Variants in SGPP1 observed in about 807,000 individuals in gnomAD.
The protein encoded by SGPP1 is sphingosine-1-phosphate phosphatase 1.
In SGPP1, 21 loss-of-function variants were observed where a neutral mutation model predicts 33.0. That is an observed-to-expected ratio of 0.64 (90% CI 0.45 to 0.92). The LOEUF is 0.92. Ranked by LOEUF, SGPP1 falls within the 40% of genes least tolerant of loss-of-function variation. The pLI, the probability that SGPP1 is intolerant of heterozygous loss-of-function variation, is 0.00. For synonymous variants in SGPP1, 239 were observed against 241.2 expected (o/e 0.99, Z 0.08); for missense variants, 543 against 589.4 (o/e 0.92, Z 0.81).
At chr14:63,714,286 T>C (rs549689583) in intron 1 of SGPP1, among the ~76,000 whole-genome samples, 1 of 152,370 alleles carries the variant, frequency 6.6e-6, no homozygotes, top group East Asian at 1.9e-4. Flanking sequence ...CATGTGGTTT[T>C]TGATGGATCT....
At chr14:63,715,710 G>C (rs1037035993) in intron 1 of SGPP1, among the ~76,000 whole-genome samples, 1 of 152,176 alleles carries the variant, frequency 6.6e-6, no homozygotes, top group Admixed American at 6.5e-5. Context: ...CAGAGTATTG[G>C]AGAGACAAAT....
chr14:63,690,423 TAA>T (rs1039427226), intron 2 of SGPP1, among the ~76,000 whole-genome samples: 2 of 152,196 alleles, frequency 1.3e-5, no homozygotes, highest in African/African-American at 4.8e-5. Flanking sequence ...GCCATTGTTC[TAA>T]AAGAGATATA....
At chr14:63,701,948 TA>T (rs1251022184) in intron 1 of SGPP1, among the ~76,000 whole-genome samples, 141 of 107,358 alleles carry the variant, frequency 1.3e-3, no homozygotes, top group East Asian at 4.6e-3. Flanking sequence ...CCAAAAGAAG[TA>T]AAAAAAAAAA....
chr14:63,698,680 A>C (rs761213826), intron 1 of SGPP1, 22 bp from the exon 2 acceptor site: 1 of 1,352,172 alleles, frequency 7.4e-7, no homozygotes, highest in Non-Finnish European at 1.0e-6. Context: ...AAAAAGTAAA[A>C]TTAGTTAAAC....
At chr14:63,686,843 A>G (rs1048879826) in intron 2 of SGPP1, among the ~76,000 whole-genome samples, 187 bp from the exon 3 acceptor site, 4 of 152,178 alleles carry the variant, frequency 2.6e-5, no homozygotes, top group African/African-American at 9.6e-5. Context: ...TAATAAAAGG[A>G]TTTATATTTT....
chr14:63,695,258 G>A (rs1024113759), intron 2 of SGPP1, among the ~76,000 whole-genome samples: 20 of 151,872 alleles, frequency 1.3e-4, no homozygotes, highest in African/African-American at 4.8e-4. Flanking sequence ...GGGTTTCACC[G>A]TGTTAGCCAG....
At chr14:63,707,040 C>CA (rs747329924) in intron 1 of SGPP1, among the ~76,000 whole-genome samples, 6,729 of 65,502 alleles carry the variant, frequency 0.1, 220 homozygotes, top group Non-Finnish European at 0.15. Flanking sequence ...GACTCTGTCC[C>CA]AAAAAAAAAA....
intron 1 of SGPP1, among the ~76,000 whole-genome samples, chr14:63,718,988 ATATATATATATATATATATATATATATT>A (rs1478227135): frequency 3.2e-4 from 5 of 15,406 alleles, no homozygotes; most frequent in Non-Finnish European, 6.1e-4. Flanking sequence ...ATATATATAT[ATATATATATATATATATATATATATATT>A]TTTTTTTTTT....
chr14:63,715,745 T>C (rs143600520), intron 1 of SGPP1, among the ~76,000 whole-genome samples: 5 of 152,188 alleles, frequency 3.3e-5, no homozygotes, highest in Non-Finnish European at 7.4e-5. Context: ...CCTGGAGATA[T>C]GTAGAGGGAA....
chr14:63,703,284 T>C (rs947173395), intron 1 of SGPP1, among the ~76,000 whole-genome samples: 1 of 151,464 alleles, frequency 6.6e-6, no homozygotes, highest in Non-Finnish European at 1.5e-5. Context: ...AAAATACCCA[T>C]ACCTAGGAAT....
chr14:63,684,834 A>G lies in SGPP1; in HGVS notation c.*1271T>C, dbSNP rs1884937637. 6.6e-6 allele frequency: 1 copy of G among 152,622 alleles called. No individual in the cohort carries two copies. The highest frequency in any genetic ancestry group is 2.1e-4 in the South Asian group (1 of 4,834). The allele number at this position is 152,622 out of a possible 1,614,324, so 9.5% of individuals were successfully genotyped here. On this transcript the variant is annotated 3_prime_UTR_variant, in exon 3 of 3. Transcript: ENST00000247225. The stretch of plus-strand genomic sequence containing the variant: ...AAATTTTCCACTGTGAAAATAATAG[A>G]AAGTTGAAAAAATAATAGGATCTAA...
At chr14:63,701,625 T>C (rs973247718) in intron 1 of SGPP1, among the ~76,000 whole-genome samples, 2 of 151,872 alleles carry the variant, frequency 1.3e-5, no homozygotes, top group African/African-American at 2.4e-5. Context: ...AGAGAGCAAG[T>C]AGAAGAGGTT....
intron 1 of SGPP1, among the ~76,000 whole-genome samples, chr14:63,714,260 C>T (rs1324066357): frequency 6.6e-6 from 1 of 152,218 alleles, no homozygotes; most frequent in Non-Finnish European, 1.5e-5. Flanking sequence ...GGTGACTGCA[C>T]ATGTGGTAGC....
At chr14:63,723,989 C>T (rs2139657040) in intron 1 of SGPP1, among the ~76,000 whole-genome samples, 1 of 152,154 alleles carries the variant, frequency 6.6e-6, no homozygotes. Context: ...GTGATGCTCC[C>T]ACCTCAGCCT....
intron 1 of SGPP1, among the ~76,000 whole-genome samples, chr14:63,706,256 T>C (rs1885405670): frequency 6.6e-6 from 1 of 152,220 alleles, no homozygotes; most frequent in Non-Finnish European, 1.5e-5. Context: ...CATGGATGGT[T>C]GCCAGAAGTC....
At chr14:63,706,915 C>T (rs1052582939) in intron 1 of SGPP1, among the ~76,000 whole-genome samples, 1 of 151,612 alleles carries the variant, frequency 6.6e-6, no homozygotes, top group Non-Finnish European at 1.5e-5. Flanking sequence ...TGGTAGCATG[C>T]GCCTGTAGTC....
intron 2 of SGPP1, among the ~76,000 whole-genome samples, chr14:63,698,002 G>T (rs966497012): frequency 1.3e-5 from 2 of 152,200 alleles, no homozygotes; most frequent in African/African-American, 4.8e-5. Flanking sequence ...TAGGGATAGC[G>T]AGGAGGGAAA....
chr14:63,726,610 C>G (rs569603239), intron 1 of SGPP1, among the ~76,000 whole-genome samples: 1 of 152,276 alleles, frequency 6.6e-6, no homozygotes, highest in Admixed American at 6.5e-5. Context: ...ACAGTTGTAG[C>G]TCAACAACTG....
rs1326906489 is a variant in SGPP1, at chr14:63,727,563, G to T, written c.382C>A (p.Leu128Ile). Reference sequence around the variant, plus strand: ...GTGCCGAAGCAGAACAGGCAGTAGAGCGGCCAGTTGCTCACGCGGGCCAGC... The same window carrying T: ...GTGCCGAAGCAGAACAGGCAGTAGATCGGCCAGTTGCTCACGCGGGCCAGC... ...GQLARVSNWP[L>I]YCLFCFGTEL... The change falls in exon 1 of 3, where the codon CTC becomes ATC. Residue 128 changes from leucine (L) to isoleucine (I), a missense_variant. Transcript: ENST00000247225. The T allele has an allele frequency of 1.9e-6, 3 of 1,604,420 alleles. No homozygotes were observed. Among genetic ancestry groups the T allele is most frequent in the Non-Finnish European group, 2.5e-6 (3 of 1,176,490 alleles).
Sources: allele counts gnomAD v4.1 joint callset (sites outside exome capture counted in the v4.1 genomes callset), GRCh38; gene constraint gnomAD v4.1.1; transcripts MANE v1.5; gene names NCBI Gene and HGNC (gene_info 2026-07-23, HGNC 2026-07-21).